Variants in MARCHF4 observed in about 807,000 individuals in gnomAD.
The protein encoded by MARCHF4 is membrane associated ring-CH-type finger 4.
A neutral mutation model predicts 43.9 loss-of-function variants in MARCHF4; 14 were observed. That is an observed-to-expected ratio of 0.32 (90% CI 0.21 to 0.50). The LOEUF (loss-of-function observed/expected upper bound fraction) is 0.50, where lower values mean the gene tolerates loss of function less well. Among genes scored for constraint, MARCHF4 ranks in the 20% least tolerant of loss-of-function variants. The pLI, the probability that MARCHF4 is intolerant of heterozygous loss-of-function variation, is 0.98. For synonymous variants in MARCHF4, 226 were observed against 213.3 expected (o/e 1.06, Z -0.52); for missense variants, 468 against 536.7 (o/e 0.87, Z 1.27).
At chr2:216,268,738 T>C (rs1040768149) in intron 3 of MARCHF4, among the ~76,000 whole-genome samples, 2 of 152,240 alleles carry the variant, frequency 1.3e-5, no homozygotes, top group Non-Finnish European at 2.9e-5. Context: ...CGTACTGCAC[T>C]AGGCTGCCTC....
intron 1 of MARCHF4, among the ~76,000 whole-genome samples, chr2:216,300,149 T>G (rs1691463847): frequency 2.0e-5 from 3 of 152,100 alleles, no homozygotes. Flanking sequence ...TCCCTTAGCC[T>G]CTCTGAGCTT....
intron 1 of MARCHF4, among the ~76,000 whole-genome samples, chr2:216,289,139 C>A (rs538725992): frequency 3.3e-5 from 5 of 150,866 alleles, no homozygotes; most frequent in Middle Eastern, 3.5e-3. Context: ...TGCAGTGGCA[C>A]GATCTCAGCT....
intron 1 of MARCHF4, among the ~76,000 whole-genome samples, chr2:216,357,312 C>G (rs1692518229): frequency 6.6e-6 from 1 of 151,360 alleles, no homozygotes; most frequent in Admixed American, 6.6e-5. Flanking sequence ...TGTATGTACA[C>G]TTTTATACAC....
chr2:216,275,697 C>T (rs1324565808), intron 3 of MARCHF4, among the ~76,000 whole-genome samples: 4 of 152,202 alleles, frequency 2.6e-5, no homozygotes, highest in Admixed American at 1.3e-4. Context: ...CATTTATGCT[C>T]CTCTCTTTTG....
intron 1 of MARCHF4, among the ~76,000 whole-genome samples, chr2:216,363,285 A>G (rs1036229558): frequency 2.0e-5 from 3 of 152,164 alleles, no homozygotes; most frequent in African/African-American, 7.2e-5. Context: ...TACAAACAAC[A>G]CTGTGTAGAG....
chr2:216,323,510 A>AT (rs1311946274), intron 1 of MARCHF4, among the ~76,000 whole-genome samples: 1 of 152,168 alleles, frequency 6.6e-6, no homozygotes, highest in Non-Finnish European at 1.5e-5. Flanking sequence ...CAGAATATAC[A>AT]TTTTTTTCAG....
chr2:216,339,120 T>C lies in MARCHF4; in HGVS notation c.516+30625A>G, dbSNP rs189263148. Among the ~76,000 whole-genome samples, 20 of 152,198 alleles carry C rather than the reference T, an allele frequency of 1.3e-4. No homozygotes were observed. The East Asian group carries it at 3.7e-3, about 28-fold the overall frequency. The stretch of plus-strand genomic sequence containing the variant: ...AAAGGCAAGGGGAGCCTTGGACCAG[T>C]CTTTGACCTCAGGATTGCAGTTCCT... On this transcript the variant is annotated intron_variant, in intron 1 of 3. Coordinates refer to ENST00000273067, the MANE Select transcript of MARCHF4 (RefSeq NM_020814.3).
intron 1 of MARCHF4, chr2:216,321,476 A>G (rs188664206): frequency 6.6e-6 from 1 of 152,356 alleles, no homozygotes; most frequent in Non-Finnish European, 1.5e-5. Context: ...GCTTGAGCCA[A>G]GATATGAATG....
intron 1 of MARCHF4, among the ~76,000 whole-genome samples, chr2:216,307,880 T>C (rs1691615685): frequency 6.6e-6 from 1 of 151,826 alleles, no homozygotes; most frequent in African/African-American, 2.4e-5. Context: ...CCCCTATCTC[T>C]ACAGAAAAAT....
At chr2:216,290,606 T>A (rs1431436775) in intron 1 of MARCHF4, among the ~76,000 whole-genome samples, 3 of 152,126 alleles carry the variant, frequency 2.0e-5, no homozygotes, top group Non-Finnish European at 4.4e-5. Flanking sequence ...TGCTCTATTG[T>A]AAACAGACTG....
chr2:216,327,488 C>G (rs1023780933), intron 1 of MARCHF4, among the ~76,000 whole-genome samples: 18 of 152,094 alleles, frequency 1.2e-4, no homozygotes, highest in African/African-American at 3.9e-4. Context: ...TGCCACTTTC[C>G]TGCATCCTGG....
intron 1 of MARCHF4, among the ~76,000 whole-genome samples, chr2:216,291,543 G>A (rs547138519): frequency 2.0e-4 from 31 of 152,174 alleles, no homozygotes; most frequent in African/African-American, 7.2e-4. Flanking sequence ...TGAGGGAGGA[G>A]GGTAGTAAGA....
At chr2:216,310,982 G>T (rs187623781) in intron 1 of MARCHF4, among the ~76,000 whole-genome samples, 155 of 152,198 alleles carry the variant, frequency 1.0e-3, no homozygotes, top group African/African-American at 3.6e-3. Context: ...TAATATATTG[G>T]ATTATAAAGA....
chr2:216,349,514 C>T (rs1250582017), intron 1 of MARCHF4, among the ~76,000 whole-genome samples: 2 of 152,168 alleles, frequency 1.3e-5, no homozygotes, highest in Admixed American at 6.5e-5. Context: ...GATAACAGAG[C>T]AGGCGGCCTG....
At chr2:216,264,666 G>A (rs1424111854) in intron 3 of MARCHF4, among the ~76,000 whole-genome samples, 1 of 152,142 alleles carries the variant, frequency 6.6e-6, no homozygotes, top group African/African-American at 2.4e-5. Context: ...ATCTTCTGAA[G>A]CCCCAAATTC....
intron 1 of MARCHF4, among the ~76,000 whole-genome samples, chr2:216,313,518 T>A (rs1691723178): frequency 6.6e-6 from 1 of 152,212 alleles, no homozygotes; most frequent in Non-Finnish European, 1.5e-5. Flanking sequence ...ATTGTAAAGC[T>A]CCCGTACCTA....
chr2:216,351,072 A>C (rs1028210467), intron 1 of MARCHF4, among the ~76,000 whole-genome samples: 7 of 152,184 alleles, frequency 4.6e-5, no homozygotes, highest in African/African-American at 1.7e-4. Context: ...TCAATTTCAT[A>C]GTTTTCTCCT....
rs574856979 is a variant in MARCHF4, at chr2:216,310,799, G to A, written c.517-27070C>T. ...ATTAATCTACTTTTGGGGGCATGTG[G>A]CATTCAGGGCTTCATCCTGCACAAG... On this transcript the variant is annotated intron_variant, in intron 1 of 3. Coordinates refer to ENST00000273067, the MANE Select transcript of MARCHF4 (RefSeq NM_020814.3). 3.2e-4 allele frequency among the ~76,000 whole-genome samples: 48 copies of A among 152,204 alleles called. No individual in the cohort carries two copies. The South Asian group carries it at 9.7e-3, about 31-fold the overall frequency.
At chr2:216,275,090 T>C (rs1358602989) in intron 3 of MARCHF4, among the ~76,000 whole-genome samples, 1 of 152,204 alleles carries the variant, frequency 6.6e-6, no homozygotes, top group Non-Finnish European at 1.5e-5. Context: ...GGCTATTATG[T>C]TTTCCGAAGA....
Sources: gnomAD v4.1 joint callset for allele counts (sites outside exome capture counted in the v4.1 genomes callset) on GRCh38, gnomAD v4.1.1 for gene constraint, MANE v1.5 for transcripts, NCBI Gene and HGNC (gene_info 2026-07-23, HGNC 2026-07-21) for gene names.